Variants in SSBP3 observed in about 807,000 individuals in gnomAD.
SSBP3 encodes single-stranded DNA-binding protein 3.
In SSBP3, 5 loss-of-function variants were observed where a neutral mutation model predicts 69.6. That is an observed-to-expected ratio of 0.07 (90% CI 0.04 to 0.15). The LOEUF is 0.15. SSBP3 is among the 10% of genes least tolerant of loss of function. The probability of loss-of-function intolerance (pLI) is 1.00; values close to 1 mark genes in which losing one functional copy is unlikely to be tolerated. For synonymous variants in SSBP3, 196 were observed against 193.4 expected, an observed-to-expected ratio of 1.01 and a Z score of -0.11; for missense variants, 312 against 534.0, an observed-to-expected ratio of 0.58 and a Z score of 4.10.
At position 54,258,486 on chromosome 1, in the gene SSBP3, G is replaced by C. The variant is rs749253198; in HGVS notation, c.367-337C>G. On this transcript the variant is annotated intron_variant, in intron 5 of 17. Coordinates refer to ENST00000610401, the Ensembl canonical transcript of SSBP3. The surrounding 1 kb of genome is among the most constrained non-coding windows in gnomAD (Gnocchi z 4.5). ...CCATGTTAAATACGTTGGTTGAGAC[G>C]GGCTCAGAGGGAGTACAATGATGCA... Among the ~76,000 whole-genome samples, 10 of 152,176 alleles carry C rather than the reference G, an allele frequency of 6.6e-5. No individual in the cohort carries two copies. The highest frequency in any genetic ancestry group is 1.2e-4 in the Non-Finnish European group (8 of 68,032).
chr1:54,276,628 A>AAAAAAAAAAAAAAAAAAC (rs1645293569), intron 5 of SSBP3, among the ~76,000 whole-genome samples: 1 of 150,922 alleles, frequency 6.6e-6, no homozygotes, highest in African/African-American at 2.4e-5. Context: ...AAAAAAAAAA[A>AAAAAAAAAAAAAAAAAAC]AAAAAGGTGT....
intron 4 of SSBP3, among the ~76,000 whole-genome samples, chr1:54,327,217 AAAGG>A (rs55892071): frequency 0.1 from 13,343 of 133,992 alleles, 751 homozygotes; most frequent in African/African-American, 0.15. Flanking sequence ...AAGAGAGGGA[AAAGG>A]AAGGAAGGAA....
At chr1:54,394,998 C>T (rs1012221780) in intron 4 of SSBP3, among the ~76,000 whole-genome samples, 2 of 151,134 alleles carry the variant, frequency 1.3e-5, no homozygotes, top group South Asian at 2.1e-4. Flanking sequence ...CCACCGCGCC[C>T]GGCTAAGACT....
chr1:54,396,196 A>AAAAAAAAAAAAAC (rs1648861026), intron 4 of SSBP3, among the ~76,000 whole-genome samples: 1 of 99,922 alleles, frequency 1.0e-5, no homozygotes. Context: ...CATCTCAGAA[A>AAAAAAAAAAAAAC]AAAAAAAAAA....
chr1:54,386,221 AC>A (rs1648069779), intron 4 of SSBP3, among the ~76,000 whole-genome samples: 1 of 152,094 alleles, frequency 6.6e-6, no homozygotes, highest in African/African-American at 2.4e-5. Flanking sequence ...TACAGCTTCA[AC>A]CCCTCGCTCC....
intron 4 of SSBP3, among the ~76,000 whole-genome samples, chr1:54,395,334 A>T (rs767901939): frequency 6.6e-6 from 1 of 152,222 alleles, no homozygotes; most frequent in Non-Finnish European, 1.5e-5. Context: ...CCCCACAGCT[A>T]ACAAGGACAT....
chr1:54,355,951 T>C (rs1464591120), intron 4 of SSBP3, among the ~76,000 whole-genome samples: 1 of 152,170 alleles, frequency 6.6e-6, no homozygotes, highest in Non-Finnish European at 1.5e-5. Context: ...ATCAACACTG[T>C]TGTTTTGGAA....
intron 4 of SSBP3, among the ~76,000 whole-genome samples, chr1:54,360,730 A>C (rs1035710508): frequency 6.6e-6 from 1 of 152,158 alleles, no homozygotes; most frequent in African/African-American, 2.4e-5. Flanking sequence ...CTCGAGTCTC[A>C]ATTTCCTCAC....
intron 5 of SSBP3, among the ~76,000 whole-genome samples, chr1:54,263,801 A>C (rs1227744639): frequency 1.3e-5 from 2 of 152,210 alleles, no homozygotes; most frequent in Non-Finnish European, 2.9e-5. Context: ...CTGAGGCAGC[A>C]GGCGACCACA....
intron 4 of SSBP3, among the ~76,000 whole-genome samples, chr1:54,348,240 T>TGGGGGG (rs201005897): frequency 6.2e-4 from 1 of 1,606 alleles, no homozygotes; most frequent in Non-Finnish European, 1.3e-3. Flanking sequence ...ATAGAAGGCA[T>TGGGGGG]GGGGGGCGGG....
chr1:54,363,582 G>A (rs1026309062), intron 4 of SSBP3, among the ~76,000 whole-genome samples: 7 of 151,952 alleles, frequency 4.6e-5, no homozygotes, highest in Non-Finnish European at 1.0e-4. Flanking sequence ...GAAATAGACT[G>A]AAAAATAAGT....
chr1:54,405,926 G>A (rs1286691726), intron 1 of SSBP3, 27 bp downstream of exon 1: 2 of 1,231,468 alleles, frequency 1.6e-6, no homozygotes, highest in South Asian at 1.7e-5. Flanking sequence ...GCGGCGGCGC[G>A]GCCGCCACTT....
At chr1:54,250,978 G>A (rs1644819077) in intron 9 of SSBP3, among the ~76,000 whole-genome samples, 1 of 152,206 alleles carries the variant, frequency 6.6e-6, no homozygotes. Context: ...TTCTTCCAAT[G>A]GCTTATAAAC....
rs953555461 is a variant in SSBP3 at position 54,228,672 on chromosome 1, C to T, written c.1006+76G>A. 5.3e-6 allele frequency: 8 copies of T among 1,520,266 alleles called. No individual in the cohort carries two copies. In the African/African-American group the frequency reaches 6.9e-5, roughly 13 times the overall value. The allele number at this position is 1,520,266 out of a possible 1,614,324, so 94.2% of individuals were successfully genotyped here. ...GCCGGCCAGGGCTCTGTACCAAGCC[C>T]AGCTGAGCCAGGAGCTGAGGCACAG... On this transcript the variant is annotated intron_variant, in intron 15 of 17. Coordinates refer to ENST00000610401, the Ensembl canonical transcript of SSBP3.
At chr1:54,272,491 A>ATT (rs1645211613) in intron 5 of SSBP3, among the ~76,000 whole-genome samples, 1 of 151,740 alleles carries the variant, frequency 6.6e-6, no homozygotes, top group African/African-American at 2.4e-5. Context: ...TTTTTTTTAA[A>ATT]AAAAAAAAAA....
chr1:54,375,742 G>A (rs1647210294), intron 4 of SSBP3, among the ~76,000 whole-genome samples: 1 of 152,214 alleles, frequency 6.6e-6, no homozygotes, highest in African/African-American at 2.4e-5. Context: ...CCTTTAAAGG[G>A]TGACCCACAG....
intron 4 of SSBP3, among the ~76,000 whole-genome samples, chr1:54,293,218 C>T (rs533155465): frequency 6.6e-6 from 1 of 152,190 alleles, no homozygotes; most frequent in African/African-American, 2.4e-5. Flanking sequence ...TGTTTGCACC[C>T]ACCAAGAAGA....
At chr1:54,344,705 T>TGA (rs1646660940) in intron 4 of SSBP3, among the ~76,000 whole-genome samples, 1 of 152,056 alleles carries the variant, frequency 6.6e-6, no homozygotes, top group Non-Finnish European at 1.5e-5. Context: ...AGCAAAGAGA[T>TGA]GAGAGATAGC....
chr1:54,323,646 T>G (rs963437604), intron 4 of SSBP3, among the ~76,000 whole-genome samples: 2 of 152,166 alleles, frequency 1.3e-5, no homozygotes, highest in African/African-American at 4.8e-5. Flanking sequence ...ATGCGGGTGC[T>G]TGGGGGCAAA....
Sources: allele counts gnomAD v4.1 joint callset (sites outside exome capture counted in the v4.1 genomes callset), GRCh38; gene constraint gnomAD v4.1.1; non-coding constraint Gnocchi (gnomAD v3.1); transcripts MANE v1.5; gene names NCBI Gene and HGNC (gene_info 2026-07-23, HGNC 2026-07-21).